The following HECTD4 variants were observed in gnomAD, a reference collection of about 807,000 sequenced individuals.
HECTD4 encodes the protein probable E3 ubiquitin-protein ligase HECTD4.
HECTD4 carries 114 observed loss-of-function variants against 471.5 expected under a neutral mutation model. The ratio of observed to expected loss-of-function variants is 0.24; its 90% CI spans 0.21 to 0.28. The LOEUF (loss-of-function observed/expected upper bound fraction) is 0.28, where lower values mean the gene tolerates loss of function less well. HECTD4 is among the 10% of genes least tolerant of loss of function. HECTD4 has a pLI of 1.00. For missense variants in HECTD4, 3,866 were observed against 5,651.5 expected (o/e 0.68, Z 10.13); for synonymous variants, 2,012 against 2,256.0 (o/e 0.89, Z 3.07).
Position 112,239,331 on chromosome 12 carries a change from T to TG in HECTD4, c.5106-96dup. 9.4e-7 allele frequency: 1 copy of TG among 1,066,164 alleles called. No homozygotes were observed. Among genetic ancestry groups the TG allele is most frequent in the South Asian group, 1.9e-5 (1 of 52,262 alleles). The allele number at this position is 1,066,164 out of a possible 1,614,324, so 66.0% of individuals were successfully genotyped here. The stretch of plus-strand genomic sequence containing the variant: ...TTCAAAGGGGCATAAAACATGCTGG[T>TG]GCAGCTCTTTCCCTACAACTTAGGA... On this transcript the variant is annotated intron_variant, in intron 33 of 75. Coordinates refer to ENST00000682272, the MANE Select transcript of HECTD4 (RefSeq NM_001388303.1). This position sits in a 1 kb window ranked among gnomAD's most constrained non-coding sequence, Gnocchi z 4.9.
At chr12:112,250,457 C>T in intron 24 of HECTD4, 80 bp from the exon 25 acceptor site, 1 of 970,392 alleles carries the variant, frequency 1.0e-6, no homozygotes, top group Non-Finnish European at 1.6e-6. Context: ...GCAGATACAT[C>T]AAACATATGA....
At chr12:112,237,301 C>T (rs1369209653) in intron 34 of HECTD4, among the ~76,000 whole-genome samples, 1 of 152,124 alleles carries the variant, frequency 6.6e-6, no homozygotes, top group Non-Finnish European at 1.5e-5. Flanking sequence ...GTAGACATTA[C>T]TATTAATGAA....
intron 1 of HECTD4, among the ~76,000 whole-genome samples, chr12:112,360,154 A>C (rs866539911): frequency 1.1e-4 from 17 of 152,212 alleles, no homozygotes; most frequent in South Asian, 2.1e-4. Context: ...AGGTTTAAAC[A>C]CATAAAAGTA....
Position 112,184,828 on chromosome 12 carries a change from C to T in HECTD4, c.10138G>A (p.Asp3380Asn). ...GCCTGGCAGGCATCGGCGATGGCGT[C>T]ACTCGTCACGCCCAGCCCCTGTGGG... is the stretch of plus-strand genomic sequence containing the variant. Reference protein sequence around the residue: ...KDPQGLGVTSDAIADACQALV... With the variant: ...KDPQGLGVTSNAIADACQALV... Residue 3380 changes from aspartate (D) to asparagine (N), a missense_variant, in exon 61 of 76, where the codon GAC becomes AAC. By Grantham distance (23) the Asp-to-Asn change is conservative. This residue lies in a region of HECTD4 where 71 missense variants were observed against 144.5 expected (regional missense o/e 0.49). Transcript: ENST00000682272. The surrounding 1 kb of genome is among the most constrained non-coding windows in gnomAD (Gnocchi z 9.1). 1.9e-6 allele frequency: 3 copies of T among 1,608,826 alleles called. No homozygotes were observed. Among genetic ancestry groups the T allele is most frequent in the South Asian group, 2.2e-5 (2 of 90,532 alleles).
At chr12:112,199,088 G>A (rs988271206) in intron 55 of HECTD4, among the ~76,000 whole-genome samples, 3 of 152,204 alleles carry the variant, frequency 2.0e-5, no homozygotes, top group Non-Finnish European at 2.9e-5. Context: ...GCCGGCCGCA[G>A]GAGCCCTGCT....
intron 1 of HECTD4, among the ~76,000 whole-genome samples, chr12:112,329,040 A>G (rs146339886): frequency 7.2e-5 from 11 of 152,340 alleles, no homozygotes; most frequent in Non-Finnish European, 1.5e-4. Flanking sequence ...TTTTACCATG[A>G]AAGTTCCATC....
chr12:112,299,936 C>T (rs950773723), intron 7 of HECTD4, among the ~76,000 whole-genome samples: 1 of 152,162 alleles, frequency 6.6e-6, no homozygotes, highest in Non-Finnish European at 1.5e-5. Context: ...GTTGTCTTCA[C>T]AGTTGATTGA....
At chr12:112,308,435 C>CAAAAAA (rs1044637619) in intron 6 of HECTD4, among the ~76,000 whole-genome samples, 3 of 53,228 alleles carry the variant, frequency 5.6e-5, no homozygotes, top group East Asian at 7.2e-4. Flanking sequence ...TCAAAAAAAG[C>CAAAAAA]AAAAAAAAAA....
At chr12:112,292,725 G>A (rs1375361299) in intron 7 of HECTD4, among the ~76,000 whole-genome samples, 5 of 152,164 alleles carry the variant, frequency 3.3e-5, no homozygotes, top group South Asian at 2.1e-4. Flanking sequence ...TAAAAATACC[G>A]GGAAAAAAAT....
In HECTD4 at chr12:112,381,918, T is replaced by G; in HGVS notation, c.177+34A>C. 2 of 1,217,592 alleles carry G rather than the reference T, an allele frequency of 1.6e-6. No individual in the cohort carries two copies. The allele number at this position is 1,217,592 out of a possible 1,614,324, so 75.4% of individuals were successfully genotyped here. ...CGGGGGTGCCGGGCGAGTGGGTCAG[T>G]CCGATGGCGGGGGCCGGGGGCCGCC... On this transcript the variant is annotated intron_variant, in intron 1 of 75. Transcript: ENST00000682272. The surrounding 1 kb of genome is among the most constrained non-coding windows in gnomAD (Gnocchi z 4.1).
rs1020670813 is a variant in HECTD4 at position 112,173,808 on chromosome 12, A to T, written c.11595-947T>A. Among the ~76,000 whole-genome samples the T allele has an allele frequency of 6.6e-6, 1 of 151,898 alleles. No individual in the cohort carries two copies. The highest frequency in any genetic ancestry group is 1.5e-5 in the Non-Finnish European group (1 of 67,984). ...AGCTCCCAAAGTGCTAGGGTTTCTA[A>T]AACAAGTTCAGAAAACTTGTCCCTG... is the stretch of plus-strand genomic sequence containing the variant. On this transcript the variant is annotated intron_variant, in intron 66 of 75. Transcript: ENST00000682272. The surrounding 1 kb of genome is among the most constrained non-coding windows in gnomAD (Gnocchi z 4.3).
chr12:112,301,527 G>C lies in HECTD4; in HGVS notation c.1335+4537C>G, dbSNP rs557815478. On this transcript the variant is annotated intron_variant, in intron 7 of 75. Transcript: ENST00000682272. ...GATCATGTCATCCTCTTTATTTTCT[G>C]TTCTCTTTTTGGAACTCCTATTAGC... Among the ~76,000 whole-genome samples, 17 of 152,240 alleles carry C rather than the reference G, an allele frequency of 1.1e-4. No homozygotes were observed. The South Asian group carries it at 3.5e-3, about 32-fold the overall frequency.
At chr12:112,256,061 T>C (rs2034002154) in intron 21 of HECTD4, among the ~76,000 whole-genome samples, 1 of 152,146 alleles carries the variant, frequency 6.6e-6, no homozygotes, top group East Asian at 1.9e-4. Context: ...CTCTCATATA[T>C]CTAAGCACCT....
Position 112,382,183 on chromosome 12 carries a change from A to G in HECTD4, c.-55T>C. On this transcript the variant is annotated 5_prime_UTR_variant, in exon 1 of 76. Coordinates refer to ENST00000682272, the MANE Select transcript of HECTD4 (RefSeq NM_001388303.1). ...GCAGACGCCCGGCCGGGGGAAACGGAGCAGGAGCCGCCGCGATCACCAGTC... is the reference window on the plus strand; with the variant it reads ...GCAGACGCCCGGCCGGGGGAAACGGGGCAGGAGCCGCCGCGATCACCAGTC... 8.3e-7 allele frequency: 1 copy of G among 1,199,108 alleles called. No individual in the cohort carries two copies. The highest frequency in any genetic ancestry group is 1.6e-5 in the African/African-American group (1 of 61,984). The allele number at this position is 1,199,108 out of a possible 1,614,324, so 74.3% of individuals were successfully genotyped here. A position where few individuals can be genotyped will look rare whatever the true frequency, so the allele number is the denominator to read the frequency against.
intron 3 of HECTD4, among the ~76,000 whole-genome samples, chr12:112,314,141 C>T (rs1279728477): frequency 6.6e-6 from 1 of 152,142 alleles, no homozygotes; most frequent in Non-Finnish European, 1.5e-5. Context: ...TAGCCTCAAG[C>T]AATCCTCCTG....
chr12:112,235,288 C>A lies in HECTD4; in HGVS notation c.5726-22G>T. On this transcript the variant is annotated intron_variant, in intron 36 of 75. Coordinates refer to ENST00000682272, the MANE Select transcript of HECTD4 (RefSeq NM_001388303.1). The surrounding 1 kb of genome is among the most constrained non-coding windows in gnomAD (Gnocchi z 5.0). ...CATCCTTTAAGCAAAAAACAAAGCT[C>A]ATTCAGGAAAACTGCAGTGTTGTTT... 6.3e-7 allele frequency: 1 copy of A among 1,596,900 alleles called. No individual in the cohort carries two copies. The highest frequency in any genetic ancestry group is 1.1e-5 in the South Asian group (1 of 88,294).
intron 14 of HECTD4, 108 bp from the exon 15 acceptor site, chr12:112,266,091 C>A: frequency 1.4e-6 from 1 of 714,488 alleles, no homozygotes; most frequent in South Asian, 1.8e-5. Flanking sequence ...GCTAGGGGCA[C>A]CAGACATACG....
chr12:112,275,924 G>A lies in HECTD4; in HGVS notation c.1688-964C>T, dbSNP rs560171186. 5.9e-5 allele frequency among the ~76,000 whole-genome samples: 9 copies of A among 151,906 alleles called. No individual in the cohort carries two copies. The South Asian group carries it at 1.9e-3, about 32-fold the overall frequency. On this transcript the variant is annotated intron_variant, in intron 9 of 75. Transcript: ENST00000682272. ...TTGGCCACTTATATGAATAATATCC[G>A]TTCTTTATGGCTTAAACTCAAAACC... is the stretch of plus-strand genomic sequence containing the variant.
At chr12:112,214,192 C>T (rs2032846823) in intron 48 of HECTD4, among the ~76,000 whole-genome samples, 1 of 152,168 alleles carries the variant, frequency 6.6e-6, no homozygotes, top group South Asian at 2.1e-4. Flanking sequence ...GATAAGATGA[C>T]TGGACACTGT....
Sources: gnomAD v4.1 joint callset for allele counts (sites outside exome capture counted in the v4.1 genomes callset) on GRCh38, gnomAD v4.1.1 for gene constraint, gnomAD v4.1.1 regional missense constraint, Gnocchi (gnomAD v3.1) non-coding constraint, MANE v1.5 for transcripts, NCBI Gene and HGNC (gene_info 2026-07-23, HGNC 2026-07-21) for gene names.